Variants in PTPRG observed in about 807,000 individuals in gnomAD.
PTPRG encodes protein tyrosine phosphatase receptor type G, also known as receptor-type tyrosine-protein phosphatase gamma.
In PTPRG, 102 loss-of-function variants were observed where a neutral mutation model predicts 165.3. That is an observed-to-expected ratio of 0.62 (90% CI 0.53 to 0.73). PTPRG has a LOEUF of 0.73. PTPRG is among the 30% of genes least tolerant of loss of function. PTPRG has a pLI of 0.00. For synonymous variants in PTPRG, 675 were observed against 669.5 expected, an observed-to-expected ratio of 1.01 and a Z score of -0.13; for missense variants, 1,866 against 1,861.4, an observed-to-expected ratio of 1.00 and a Z score of -0.05.
chr3:62,189,869 C>G (rs1378106382), intron 8 of PTPRG, among the ~76,000 whole-genome samples: 2 of 152,210 alleles, frequency 1.3e-5, no homozygotes, highest in African/African-American at 4.8e-5. Flanking sequence ...CTCACTGCAG[C>G]TACACCTGTG....
rs186856457 is a variant in PTPRG, at chr3:62,200,629, A to T, written c.1328-876A>T. ...GTATTTTACCGTAATCTTAAAAAAA[A>T]TTTTTTTCTAAGTTATATTGTTTAA... On this transcript the variant is annotated intron_variant, in intron 10 of 29. Coordinates refer to ENST00000474889, the MANE Select transcript of PTPRG (RefSeq NM_002841.4). Among the ~76,000 whole-genome samples the T allele has an allele frequency of 2.3e-3, 354 of 152,206 alleles. 1 individual carries two copies. The highest frequency in any genetic ancestry group is 8.0e-3 in the African/African-American group (333 of 41,532).
chr3:61,732,737 TAAA>T (rs1326417316), intron 1 of PTPRG, among the ~76,000 whole-genome samples: 1 of 115,548 alleles, frequency 8.7e-6, no homozygotes, highest in Non-Finnish European at 1.7e-5. Flanking sequence ...AATAAATAAA[TAAA>T]TAAATAAATA....
chr3:61,569,500 A>G (rs1365712717), intron 1 of PTPRG, among the ~76,000 whole-genome samples: 3 of 152,176 alleles, frequency 2.0e-5, no homozygotes, highest in Non-Finnish European at 4.4e-5. Context: ...TTATTTTTAT[A>G]GAGACCGGGT....
intron 4 of PTPRG, among the ~76,000 whole-genome samples, chr3:62,016,006 A>G (rs2041535763): frequency 6.6e-6 from 1 of 152,168 alleles, no homozygotes. Context: ...ATTACAGATC[A>G]GTTTTCACTG....
intron 1 of PTPRG, among the ~76,000 whole-genome samples, chr3:61,581,456 C>A (rs534750149): frequency 6.6e-6 from 1 of 152,164 alleles, no homozygotes; most frequent in African/African-American, 2.4e-5. Flanking sequence ...GCATTTGATT[C>A]ATTTCTGAGT....
rs1470192591 is a variant in PTPRG, at chr3:61,813,319, A to C, written c.190+64337A>C. On this transcript the variant is annotated intron_variant, in intron 2 of 29. Transcript: ENST00000474889. ...AGCCTGGTTAACACGGTTAAACCCC[A>C]TGATTACTAAAAAAAAAAAAAAAAA... is the stretch of plus-strand genomic sequence containing the variant. 4.8e-5 allele frequency among the ~76,000 whole-genome samples: 7 copies of C among 146,164 alleles called. No homozygotes were observed. In the South Asian group the frequency reaches 1.6e-3, roughly 34 times the overall value.
rs114577942 is a variant in PTPRG at position 61,595,188 on chromosome 3, T to C, written c.85+32816T>C. Among the ~76,000 whole-genome samples the C allele has an allele frequency of 6.2e-3, 931 of 151,376 alleles. 9 individuals carry two copies. The highest frequency in any genetic ancestry group is 6.8e-3 in the Non-Finnish European group (458 of 67,766). The stretch of plus-strand genomic sequence containing the variant: ...CGAAACCGAACAAGATGTGTTTGTT[T>C]TTTTTTTTTTCCTTTGTACTCTGAA... On this transcript the variant is annotated intron_variant, in intron 1 of 29. Coordinates refer to ENST00000474889, the MANE Select transcript of PTPRG (RefSeq NM_002841.4).
At chr3:61,677,672 C>T (rs1438889697) in intron 1 of PTPRG, among the ~76,000 whole-genome samples, 1 of 152,064 alleles carries the variant, frequency 6.6e-6, no homozygotes, top group South Asian at 2.1e-4. Flanking sequence ...TAAATTTTGC[C>T]GATTTTCTAT....
intron 2 of PTPRG, among the ~76,000 whole-genome samples, chr3:61,833,067 T>TTGTGTGTGTGTGTG (rs113069211): frequency 0.016 from 2,280 of 146,856 alleles, 44 homozygotes; most frequent in East Asian, 0.051. Flanking sequence ...TAGTATTCCA[T>TTGTGTGTGTGTGTG]TGTGTGTGTG....
At chr3:61,911,730 T>TC in intron 2 of PTPRG, among the ~76,000 whole-genome samples, 1 of 152,324 alleles carries the variant, frequency 6.6e-6, no homozygotes, top group Non-Finnish European at 1.5e-5. Context: ...ATTTCTTTTT[T>TC]CCCCAAGTTA....
At chr3:61,698,554 G>A (rs2030743544) in intron 1 of PTPRG, among the ~76,000 whole-genome samples, 1 of 152,174 alleles carries the variant, frequency 6.6e-6, no homozygotes, top group Non-Finnish European at 1.5e-5. Context: ...GATAGATTTG[G>A]CCCATGGGAC....
chr3:61,909,143 C>A (rs995869818), intron 2 of PTPRG, among the ~76,000 whole-genome samples: 7 of 152,090 alleles, frequency 4.6e-5, no homozygotes, highest in African/African-American at 9.7e-5. Context: ...CACATTGGAG[C>A]CCACGTGCTC....
intron 2 of PTPRG, among the ~76,000 whole-genome samples, chr3:61,865,029 G>A (rs1032577817): frequency 1.3e-5 from 2 of 152,092 alleles, no homozygotes; most frequent in Non-Finnish European, 2.9e-5. Flanking sequence ...TGTTTTGCCT[G>A]TTCCTAGGCT....
In PTPRG at chr3:61,593,623, C is replaced by T. The variant is rs116386431; in HGVS notation, c.85+31251C>T. 5.8e-3 allele frequency among the ~76,000 whole-genome samples: 886 copies of T among 151,596 alleles called. 3 individuals are homozygous for T. The highest frequency in any genetic ancestry group is 9.6e-3 in the Non-Finnish European group (652 of 67,944). The stretch of plus-strand genomic sequence containing the variant: ...ATAATCAGTTGCATTTACTTATCAG[C>T]TCTTGTTCCTGTTCTCTTCATTTCC... On this transcript the variant is annotated intron_variant, in intron 1 of 29. Coordinates refer to ENST00000474889, the MANE Select transcript of PTPRG (RefSeq NM_002841.4).
rs907809418 is a variant in PTPRG at position 61,889,418 on chromosome 3, T to C, written c.191-100207T>C. Among the ~76,000 whole-genome samples the C allele has an allele frequency of 4.6e-5, 7 of 152,246 alleles. No individual in the cohort carries two copies. The South Asian group carries it at 1.4e-3, about 31-fold the overall frequency. Reference sequence around the variant, plus strand: ...GGCGAGTGTGCTCTCTTCAAGCTGATCATTGTGTTATATATCCATGACCCT... The same window carrying C: ...GGCGAGTGTGCTCTCTTCAAGCTGACCATTGTGTTATATATCCATGACCCT... On this transcript the variant is annotated intron_variant, in intron 2 of 29. Transcript: ENST00000474889.
intron 1 of PTPRG, among the ~76,000 whole-genome samples, chr3:61,592,641 C>CTTTTTTTT (rs773860673): frequency 1.4e-4 from 20 of 139,964 alleles, no homozygotes; most frequent in South Asian, 2.2e-4. Context: ...TTCTTTCTTT[C>CTTTTTTTT]TTTCTTTCTT....
At chr3:62,249,680 C>G (rs545154216) in intron 15 of PTPRG, among the ~76,000 whole-genome samples, 66 of 152,272 alleles carry the variant, frequency 4.3e-4, no homozygotes, top group African/African-American at 1.5e-3. Flanking sequence ...ACTGCAGCAG[C>G]TAAGCATCTT....
At chr3:62,040,884 C>T (rs1304812551) in intron 4 of PTPRG, among the ~76,000 whole-genome samples, 1 of 152,186 alleles carries the variant, frequency 6.6e-6, no homozygotes, top group Non-Finnish European at 1.5e-5. Flanking sequence ...AGAGGAGTTT[C>T]AGCAGTTTTG....
intron 26 of PTPRG, among the ~76,000 whole-genome samples, chr3:62,280,810 G>A (rs74415187): frequency 0.021 from 3,122 of 152,092 alleles, 99 homozygotes; most frequent in East Asian, 0.14. Context: ...AACAACCTAA[G>A]TTTCCATCAA....
Sources: allele counts gnomAD v4.1 joint callset (sites outside exome capture counted in the v4.1 genomes callset), GRCh38; gene constraint gnomAD v4.1.1; transcripts MANE v1.5; gene names NCBI Gene and HGNC (gene_info 2026-07-23, HGNC 2026-07-21).